Variants in RTN1 observed in about 807,000 individuals in gnomAD.
RTN1 encodes reticulon 1, also known as reticulon-1.
RTN1 carries 25 observed loss-of-function variants against 65.5 expected under a neutral mutation model. That is an observed-to-expected ratio of 0.38 (90% CI 0.28 to 0.53). The LOEUF is 0.53. RTN1 is among the 20% of genes least tolerant of loss of function. The pLI is 0.79. For synonymous variants in RTN1, 471 were observed against 447.6 expected, an observed-to-expected ratio of 1.05 and a Z score of -0.66; for missense variants, 983 against 1,025.4, an observed-to-expected ratio of 0.96 and a Z score of 0.57.
chr14:59,626,002 C>T (rs895715436), intron 3 of RTN1, among the ~76,000 whole-genome samples: 3 of 152,054 alleles, frequency 2.0e-5, no homozygotes, highest in African/African-American at 7.2e-5. Flanking sequence ...AGGGAGTCTG[C>T]AATTGTTAAT....
chr14:59,723,746 A>C (rs61234111), intron 3 of RTN1, among the ~76,000 whole-genome samples: 9,913 of 152,280 alleles, frequency 0.065, 1,050 homozygotes, highest in African/African-American at 0.23. Context: ...AAGCAGCCTG[A>C]GATTCCCCAT....
chr14:59,601,718 C>A (rs1418873984), intron 8 of RTN1, among the ~76,000 whole-genome samples: 2 of 152,130 alleles, frequency 1.3e-5, no homozygotes, highest in Non-Finnish European at 2.9e-5. Flanking sequence ...GAACACAGTT[C>A]TAGTTGCCAA....
chr14:59,826,228 C>A (rs1887028304), intron 1 of RTN1, among the ~76,000 whole-genome samples: 1 of 152,216 alleles, frequency 6.6e-6, no homozygotes, highest in Non-Finnish European at 1.5e-5. Flanking sequence ...CATTTGTAGA[C>A]CAGCTGTACC....
At chr14:59,612,173 T>C (rs934110114) in intron 3 of RTN1, among the ~76,000 whole-genome samples, 1 of 152,220 alleles carries the variant, frequency 6.6e-6, no homozygotes, top group Middle Eastern at 3.2e-3. Flanking sequence ...AAAATGTTAA[T>C]TCGGTTCCCC....
chr14:59,696,587 G>A (rs1188248678), intron 3 of RTN1, among the ~76,000 whole-genome samples: 1 of 152,010 alleles, frequency 6.6e-6, no homozygotes. Flanking sequence ...CCAAGGGCAG[G>A]GCTGGCAGGC....
intron 8 of RTN1, among the ~76,000 whole-genome samples, chr14:59,598,787 G>T (rs1421072363): frequency 6.6e-6 from 1 of 152,130 alleles, no homozygotes; most frequent in African/African-American, 2.4e-5. Context: ...TACTCCTTTA[G>T]CAATGTTAGA....
chr14:59,826,844 T>C (rs1390898487), intron 1 of RTN1, among the ~76,000 whole-genome samples: 1 of 150,952 alleles, frequency 6.6e-6, no homozygotes, highest in Non-Finnish European at 1.5e-5. Flanking sequence ...GGGAAGACAA[T>C]GAAAAATAAC....
At chr14:59,726,697 A>C (rs1057004912) in intron 3 of RTN1, among the ~76,000 whole-genome samples, 6 of 152,216 alleles carry the variant, frequency 3.9e-5, no homozygotes, top group African/African-American at 1.4e-4. Context: ...GGGTTCAGCC[A>C]GTCCTGAGTT....
intron 3 of RTN1, among the ~76,000 whole-genome samples, chr14:59,700,041 G>A (rs1431960536): frequency 6.6e-6 from 1 of 151,972 alleles, no homozygotes; most frequent in Non-Finnish European, 1.5e-5. Context: ...CTCTACCCTT[G>A]TAGCACAAAA....
chr14:59,850,615 C>G (rs1393818440), intron 1 of RTN1, among the ~76,000 whole-genome samples: 1 of 152,212 alleles, frequency 6.6e-6, no homozygotes, highest in Non-Finnish European at 1.5e-5. Flanking sequence ...TGGCCTTGCT[C>G]AGATTCTACA....
intron 8 of RTN1, among the ~76,000 whole-genome samples, chr14:59,599,795 ATCTT>A (rs1287326475): frequency 3.3e-5 from 5 of 152,156 alleles, no homozygotes; most frequent in South Asian, 2.1e-4. Flanking sequence ...AACATCTAGA[ATCTT>A]TCTTTCTTCT....
intron 1 of RTN1, among the ~76,000 whole-genome samples, chr14:59,860,180 A>G (rs1887683051): frequency 6.6e-6 from 1 of 152,164 alleles, no homozygotes; most frequent in South Asian, 2.1e-4. Context: ...GGAGAAAATT[A>G]TTTCATGGGT....
At chr14:59,819,610 C>T (rs904143931) in intron 1 of RTN1, among the ~76,000 whole-genome samples, 2 of 152,142 alleles carry the variant, frequency 1.3e-5, no homozygotes, top group East Asian at 3.9e-4. Flanking sequence ...CTGTTGTCAG[C>T]CCTTGGGCGG....
chr14:59,781,605 T>G (rs139246268), intron 1 of RTN1, among the ~76,000 whole-genome samples: 1 of 152,108 alleles, frequency 6.6e-6, no homozygotes, highest in Non-Finnish European at 1.5e-5. Context: ...AATATTCCAT[T>G]CTGGCCAATA....
intron 5 of RTN1, chr14:59,604,546 T>C (rs960330449): frequency 3.3e-5 from 5 of 152,342 alleles, no homozygotes; most frequent in African/African-American, 1.2e-4. Context: ...TGCCCTGGTA[T>C]CTCTCTTCAG....
chr14:59,694,170 C>T (rs1884016174), intron 3 of RTN1, among the ~76,000 whole-genome samples: 1 of 152,116 alleles, frequency 6.6e-6, no homozygotes, highest in Non-Finnish European at 1.5e-5. Flanking sequence ...GCTCTTATTC[C>T]CCAGTTGGTC....
At chr14:59,832,304 C>A (rs1887138591) in intron 1 of RTN1, among the ~76,000 whole-genome samples, 2 of 152,058 alleles carry the variant, frequency 1.3e-5, no homozygotes, top group African/African-American at 4.8e-5. Context: ...AATAAAGTTC[C>A]CTACATCTTT....
intron 1 of RTN1, among the ~76,000 whole-genome samples, chr14:59,750,329 AATATATTATATCTATAAT>A (rs1453625058): frequency 1.0e-3 from 14 of 13,684 alleles, no homozygotes; most frequent in Admixed American, 1.8e-3. Flanking sequence ...TATAATATAT[AATATATTATATCTATAAT>A]ATATATTATA....
chr14:59,835,161 C>T (rs909694649), intron 1 of RTN1, among the ~76,000 whole-genome samples: 1 of 152,010 alleles, frequency 6.6e-6, no homozygotes, highest in Non-Finnish European at 1.5e-5. Flanking sequence ...TGCAGTACCC[C>T]TCAGCATTAA....
Sources: allele counts gnomAD v4.1 joint callset (sites outside exome capture counted in the v4.1 genomes callset), GRCh38; gene constraint gnomAD v4.1.1; transcripts MANE v1.5; gene names NCBI Gene and HGNC (gene_info 2026-07-23, HGNC 2026-07-21).